FRMPD1: variants seen among roughly 807,000 people sequenced by gnomAD.
FRMPD1 encodes the protein FERM and PDZ domain-containing protein 1.
FRMPD1 carries 76 observed loss-of-function variants against 117.8 expected under a neutral mutation model. That is an observed-to-expected ratio of 0.65 (90% CI 0.54 to 0.78). FRMPD1 has a LOEUF of 0.78. Ranked by LOEUF, FRMPD1 falls within the 30% of genes least tolerant of loss-of-function variation. The pLI is 0.00. For missense variants in FRMPD1, 1,786 were observed against 1,964.5 expected (o/e 0.91, Z 1.72); for synonymous variants, 783 against 770.4 (o/e 1.02, Z -0.27).
the FRMPD1 span, among the ~76,000 whole-genome samples, chr9:37,618,731 CT>C: frequency 1.3e-5 from 2 of 152,168 alleles, no homozygotes; most frequent in African/African-American, 4.8e-5. Flanking sequence ...CTGTCTCATT[CT>C]TTCCCCTTCT....
Position 37,655,088 on chromosome 9 carries a change from C to T in FRMPD1, c.-5+3994C>T, listed in dbSNP as rs572022815. Among the ~76,000 whole-genome samples, 5 of 152,308 alleles carry T rather than the reference C, an allele frequency of 3.3e-5. No individual in the cohort carries two copies. In the East Asian group the frequency reaches 5.8e-4, roughly 18 times the overall value. ...CTGGTACCAAAATACTGGCTGTGCC[C>T]GCTTGCTGCGGGGTACCCTTCAGCC... is the stretch of plus-strand genomic sequence containing the variant. On this transcript the variant is annotated intron_variant, in intron 1 of 15. Transcript: ENST00000377765.
intron 2 of FRMPD1, among the ~76,000 whole-genome samples, chr9:37,706,331 T>C (rs1001277490): frequency 8.5e-5 from 13 of 152,214 alleles, no homozygotes; most frequent in African/African-American, 1.2e-4. Flanking sequence ...GAGATCATTA[T>C]AAATGAGAGG....
chr9:37,615,122 T>G, the FRMPD1 span, among the ~76,000 whole-genome samples: 5 of 152,112 alleles, frequency 3.3e-5, no homozygotes, highest in Non-Finnish European at 7.4e-5. Context: ...TCTTTTTTTT[T>G]TGTGTGTGAC....
the FRMPD1 span, among the ~76,000 whole-genome samples, chr9:37,628,938 C>T: frequency 6.6e-6 from 1 of 152,226 alleles, no homozygotes. Context: ...GTGGCTCACG[C>T]CTGTAATCCC....
chr9:37,684,148 T>C (rs1403906047), intron 1 of FRMPD1, among the ~76,000 whole-genome samples: 1 of 152,146 alleles, frequency 6.6e-6, no homozygotes, highest in Non-Finnish European at 1.5e-5. Flanking sequence ...CAGGGCCAGA[T>C]CACAAAAGGC....
intron 1 of FRMPD1, among the ~76,000 whole-genome samples, chr9:37,655,496 CTTTT>C (rs10615941): frequency 0.017 from 1,468 of 88,494 alleles, 38 homozygotes; most frequent in African/African-American, 0.064. Flanking sequence ...TGTCCCCACT[CTTTT>C]TTTTTTTTTT....
intron 1 of FRMPD1, among the ~76,000 whole-genome samples, chr9:37,654,493 A>G (rs563801276): frequency 6.6e-6 from 1 of 152,356 alleles, no homozygotes; most frequent in Non-Finnish European, 1.5e-5. Context: ...ATATTCCACT[A>G]TCAGGTTATT....
In FRMPD1 at chr9:37,745,271, A is replaced by T. The variant is rs776939560; in HGVS notation, c.3239A>T (p.Asp1080Val). Residue 1080 changes from aspartate to valine, a missense_variant, in exon 16 of 16, where the codon GAT becomes GTT. By Grantham distance (152) the Asp-to-Val change is radical. Coordinates refer to ENST00000377765, the MANE Select transcript of FRMPD1 (RefSeq NM_014907.3). ...ACAGAGCCTTTGTTGTCTCCTAGAGATGAGCCTAGAAGTGATGAATGTGGA... is the reference window on the plus strand; with the variant it reads ...ACAGAGCCTTTGTTGTCTCCTAGAGTTGAGCCTAGAAGTGATGAATGTGGA... ...KYTEPLLSPR[D>V]EPRSDECGIN... 2 of 1,612,574 alleles carry T rather than the reference A, an allele frequency of 1.2e-6. No individual in the cohort carries two copies. The highest frequency in any genetic ancestry group is 1.7e-6 in the Non-Finnish European group (2 of 1,178,556).
At chr9:37,638,013 T>TCTCTCTC in the FRMPD1 span, among the ~76,000 whole-genome samples, 2 of 126,444 alleles carry the variant, frequency 1.6e-5, no homozygotes, top group African/African-American at 5.8e-5. Flanking sequence ...TCTTTCTTTC[T>TCTCTCTC]TTCTTTCTTT....
At chr9:37,668,366 C>T (rs1821234468) in intron 1 of FRMPD1, 1 of 152,326 alleles carries the variant, frequency 6.6e-6, no homozygotes, top group African/African-American at 2.4e-5. Flanking sequence ...ACTTTGCCCA[C>T]ATGGCCTGGC....
At chr9:37,660,858 TG>T (rs1235260743) in intron 1 of FRMPD1, among the ~76,000 whole-genome samples, 1 of 152,128 alleles carries the variant, frequency 6.6e-6, no homozygotes, top group Non-Finnish European at 1.5e-5. Flanking sequence ...GAAGGAGGCC[TG>T]GGGGGTACAG....
intron 1 of FRMPD1, among the ~76,000 whole-genome samples, chr9:37,675,981 G>C (rs990297442): frequency 2.0e-5 from 3 of 152,168 alleles, no homozygotes; most frequent in African/African-American, 7.2e-5. Context: ...CTTAAAAGAG[G>C]TATCATTGCT....
At chr9:37,636,419 G>A in the FRMPD1 span, among the ~76,000 whole-genome samples, 1 of 152,296 alleles carries the variant, frequency 6.6e-6, no homozygotes, top group Non-Finnish European at 1.5e-5. Flanking sequence ...GGTGTGTAGG[G>A]GGGGCATCTT....
At chr9:37,640,160 T>C in the FRMPD1 span, among the ~76,000 whole-genome samples, 1 of 152,192 alleles carries the variant, frequency 6.6e-6, no homozygotes, top group Non-Finnish European at 1.5e-5. Context: ...AGGAGTATTA[T>C]GAAGGTCAAA....
At chr9:37,626,101 C>T in the FRMPD1 span, among the ~76,000 whole-genome samples, 3 of 151,890 alleles carry the variant, frequency 2.0e-5, no homozygotes, top group South Asian at 6.3e-4. Flanking sequence ...CTGAGGCAGG[C>T]GAATCACCTG....
the FRMPD1 span, among the ~76,000 whole-genome samples, chr9:37,606,490 T>C: frequency 6.6e-6 from 1 of 152,352 alleles, no homozygotes; most frequent in African/African-American, 2.4e-5. Flanking sequence ...AAGATACCTG[T>C]ATTTTTCTGG....
intron 1 of FRMPD1, among the ~76,000 whole-genome samples, chr9:37,665,610 T>TA (rs557120809): frequency 6.8e-4 from 104 of 152,348 alleles, no homozygotes; most frequent in African/African-American, 2.4e-3. Flanking sequence ...GAGCTATTCT[T>TA]ATTTCTTCCT....
intron 12 of FRMPD1, 60 bp from the exon 13 acceptor site, chr9:37,735,492 T>A (rs1294812609): frequency 6.3e-6 from 8 of 1,263,254 alleles, no homozygotes; most frequent in Non-Finnish European, 9.2e-6. Context: ...ATTGCTTACA[T>A]GTGAAATGTA....
In FRMPD1 at chr9:37,746,748, C is replaced by A. The variant is rs1211638950; in HGVS notation, c.4716C>A (p.Phe1572Leu). 5 of 1,613,982 alleles carry A rather than the reference C, an allele frequency of 3.1e-6. No homozygotes were observed. Among genetic ancestry groups the A allele is most frequent in the Non-Finnish European group, 4.2e-6 (5 of 1,179,990 alleles). ...TAAVFCLTQK[F>L]RASTAL ...CCGTGTTCTGTTTGACCCAGAAGTT[C>A]CGGGCATCCACGGCCCTGTAAACAG... The change falls in exon 16 of 16, where the codon TTC becomes TTA. Residue 1572 changes from phenylalanine (F) to leucine (L), a missense_variant. Transcript: ENST00000377765.
Sources: allele counts gnomAD v4.1 joint callset (sites outside exome capture counted in the v4.1 genomes callset), GRCh38; gene constraint gnomAD v4.1.1; transcripts MANE v1.5; gene names NCBI Gene and HGNC (gene_info 2026-07-23, HGNC 2026-07-21).